The following ELAVL2 variants were observed in gnomAD, a reference collection of about 807,000 sequenced individuals.
The protein encoded by ELAVL2 is ELAV-like protein 2.
A neutral mutation model predicts 34.6 loss-of-function variants in ELAVL2; 4 were observed. The observed-to-expected ratio is 0.12, with a 90% CI of 0.06 to 0.26. ELAVL2 has a LOEUF of 0.26. Ranked by LOEUF, ELAVL2 falls within the 10% of genes least tolerant of loss-of-function variation. ELAVL2 has a pLI of 1.00. For synonymous variants in ELAVL2, 193 were observed against 154.8 expected (o/e 1.25, Z -1.83); for missense variants, 432 against 442.8 (o/e 0.98, Z 0.22).
intron 1 of ELAVL2, among the ~76,000 whole-genome samples, chr9:23,811,282 T>A (rs2062951765): frequency 6.7e-6 from 1 of 150,002 alleles, no homozygotes. Context: ...GCCTCTCCAC[T>A]AAATCAAAAA....
At chr9:23,794,403 T>TA (rs1213867053) in intron 1 of ELAVL2, among the ~76,000 whole-genome samples, 31 of 152,286 alleles carry the variant, frequency 2.0e-4, no homozygotes, top group African/African-American at 7.0e-4. Context: ...TAAACACACG[T>TA]ACAGCAGGCC....
At position 23,700,883 on chromosome 9, in the gene ELAVL2, A is replaced by G. The variant is rs1463852420; in HGVS notation, c.713+496T>C. Among the ~76,000 whole-genome samples the G allele has an allele frequency of 4.9e-5, 4 of 82,214 alleles. No homozygotes were observed. In the South Asian group the frequency reaches 1.8e-3, roughly 38 times the overall value. 53.9% of individuals were successfully genotyped at this position (82,214 alleles called of 152,430 possible). On this transcript the variant is annotated intron_variant, in intron 5 of 6. Transcript: ENST00000397312. Reference sequence around the variant, plus strand: ...CACATGAGAATAAAATCCTTTAAGAAAAAAAAAAAAGGAAATCTGAAGCCC... The same window carrying G: ...CACATGAGAATAAAATCCTTTAAGAGAAAAAAAAAAGGAAATCTGAAGCCC...
chr9:23,783,701 G>A (rs1396041265), intron 1 of ELAVL2, among the ~76,000 whole-genome samples: 1 of 152,098 alleles, frequency 6.6e-6, no homozygotes, highest in Non-Finnish European at 1.5e-5. Context: ...CCCACTTACT[G>A]TCTAAGCAAA....
At chr9:23,711,803 T>C (rs1357832060) in intron 3 of ELAVL2, among the ~76,000 whole-genome samples, 1 of 152,182 alleles carries the variant, frequency 6.6e-6, no homozygotes, top group Admixed American at 6.5e-5. Flanking sequence ...TCATCCTACT[T>C]TGTACATCCT....
rs181085846 is a variant in ELAVL2 at position 23,701,495 on chromosome 9, A to G, written c.597T>C (p.Thr199=). The part of the protein sequence containing the change: ...QKPPGATEPI[T]VKFANNPSQK... Reference sequence around the variant, plus strand: ...GGCTTGGGTTATTAGCAAACTTTACAGTGATTGGCTCCGTGGCACCGGGAG... The same window carrying G: ...GGCTTGGGTTATTAGCAAACTTTACGGTGATTGGCTCCGTGGCACCGGGAG... Residue 199 remains threonine (T), a synonymous_variant, in exon 5 of 7, where the codon ACT becomes ACC. Coordinates refer to ENST00000397312, the MANE Select transcript of ELAVL2 (RefSeq NM_004432.5). 190 of 1,614,100 alleles carry G rather than the reference A, an allele frequency of 1.2e-4. No homozygotes were observed. Among genetic ancestry groups the G allele is most frequent in the Admixed American group, 2.3e-4 (14 of 60,024 alleles).
At chr9:23,846,386 A>G in the ELAVL2 span, among the ~76,000 whole-genome samples, 13 of 151,988 alleles carry the variant, frequency 8.6e-5, no homozygotes, top group East Asian at 3.8e-4. Context: ...TTTGCTACCT[A>G]TAAAAATCAT....
chr9:23,770,433 G>T (rs1391009247), intron 1 of ELAVL2, among the ~76,000 whole-genome samples: 1 of 152,090 alleles, frequency 6.6e-6, no homozygotes, highest in African/African-American at 2.4e-5. Flanking sequence ...CATGACAAGG[G>T]GGAATTAAGA....
chr9:23,798,440 G>A (rs146695366), intron 1 of ELAVL2, among the ~76,000 whole-genome samples: 2,039 of 152,140 alleles, frequency 0.013, 162 homozygotes, highest in Admixed American at 0.12. Flanking sequence ...ATAAAATGGC[G>A]GGGGTGGGGA....
the ELAVL2 span, among the ~76,000 whole-genome samples, chr9:23,840,962 C>G: frequency 0.22 from 33,555 of 152,046 alleles, 4,106 homozygotes; most frequent in Non-Finnish European, 0.26. Flanking sequence ...ACTGACATGA[C>G]CACCCCACAA....
chr9:23,796,547 C>T lies in ELAVL2; in HGVS notation c.-16+29259G>A, dbSNP rs550385312. On this transcript the variant is annotated intron_variant, in intron 1 of 6. Transcript: ENST00000397312. The stretch of plus-strand genomic sequence containing the variant: ...CTCTAACGGTAAACCCACAAAATTG[C>T]CAGATTAAAATTCTGCTGCTTAGTC... 3.9e-5 allele frequency among the ~76,000 whole-genome samples: 6 copies of T among 152,320 alleles called. No homozygotes were observed. The East Asian group carries it at 7.7e-4, about 20-fold the overall frequency.
At chr9:23,724,643 A>C (rs2044614164) in intron 3 of ELAVL2, among the ~76,000 whole-genome samples, 1 of 152,220 alleles carries the variant, frequency 6.6e-6, no homozygotes, top group Admixed American at 6.5e-5. Context: ...GACTATGTAA[A>C]TGGGACTCAA....
intron 2 of ELAVL2, among the ~76,000 whole-genome samples, chr9:23,741,017 G>A (rs1274560772): frequency 6.6e-6 from 1 of 152,140 alleles, no homozygotes; most frequent in Non-Finnish European, 1.5e-5. Context: ...GCCCAACACA[G>A]TAAACAAGGG....
intron 2 of ELAVL2, among the ~76,000 whole-genome samples, chr9:23,743,516 G>A (rs1309117702): frequency 6.6e-6 from 1 of 152,122 alleles, no homozygotes; most frequent in Non-Finnish European, 1.5e-5. Flanking sequence ...TTATCCTGCC[G>A]AATGAGCAGA....
chr9:23,742,584 G>A (rs1041580698), intron 2 of ELAVL2, among the ~76,000 whole-genome samples: 2 of 152,172 alleles, frequency 1.3e-5, no homozygotes, highest in African/African-American at 4.8e-5. Context: ...TGATCATAAA[G>A]TATCTGCTAT....
At position 23,690,807 on chromosome 9, in the gene ELAVL2, A is replaced by G. The variant is rs1449981471; in HGVS notation, c.*1750T>C. The G allele has an allele frequency of 2.0e-5, 3 of 152,618 alleles. No individual in the cohort carries two copies. Among genetic ancestry groups the G allele is most frequent in the African/African-American group, 4.8e-5 (2 of 41,462 alleles). 9.5% of individuals were successfully genotyped at this position (152,618 alleles called of 1,614,324 possible). A position where few individuals can be genotyped will look rare whatever the true frequency, so the allele number is the denominator to read the frequency against. On this transcript the variant is annotated 3_prime_UTR_variant, in exon 7 of 7. Coordinates refer to ENST00000397312, the MANE Select transcript of ELAVL2 (RefSeq NM_004432.5). ...TCCTGATGAAGGCATTTTTGCCTTCAGCTTTTTTGAAAATTTATTATAAGC... is the reference window on the plus strand; with the variant it reads ...TCCTGATGAAGGCATTTTTGCCTTCGGCTTTTTTGAAAATTTATTATAAGC...
rs140408176 is a variant in ELAVL2, at chr9:23,748,364, T to C, written c.229+13642A>G. On this transcript the variant is annotated intron_variant, in intron 2 of 6. Transcript: ENST00000397312. ...TCTGGGGATGTTACACACTGTGTCC[T>C]GTGTCCCAAGACCCCACACGGATGT... Among the ~76,000 whole-genome samples, 98 of 152,274 alleles carry C rather than the reference T, an allele frequency of 6.4e-4. 1 individual carries two copies. The highest frequency in any genetic ancestry group is 1.2e-3 in the Non-Finnish European group (84 of 68,010).
At chr9:23,752,943 G>C (rs1353793041) in intron 2 of ELAVL2, among the ~76,000 whole-genome samples, 1 of 152,056 alleles carries the variant, frequency 6.6e-6, no homozygotes. Context: ...CTGCGAATCT[G>C]TTTCTTCACA....
rs370029532 is a variant in ELAVL2 at position 23,727,793 on chromosome 9, T to C, written c.333+3229A>G. Among the ~76,000 whole-genome samples, 20 of 152,114 alleles carry C rather than the reference T, an allele frequency of 1.3e-4. No homozygotes were observed. The South Asian group carries it at 3.9e-3, about 30-fold the overall frequency. Reference sequence around the variant, plus strand: ...TCACCATGGAAATACTGAACATCTGTCATTTATTCAACACACCAACTACTG... The same window carrying C: ...TCACCATGGAAATACTGAACATCTGCCATTTATTCAACACACCAACTACTG... On this transcript the variant is annotated intron_variant, in intron 3 of 6. Coordinates refer to ENST00000397312, the MANE Select transcript of ELAVL2 (RefSeq NM_004432.5).
chr9:23,797,621 T>C (rs754812926), intron 1 of ELAVL2, among the ~76,000 whole-genome samples: 12 of 152,220 alleles, frequency 7.9e-5, no homozygotes, highest in Non-Finnish European at 1.3e-4. Flanking sequence ...CATAATGATA[T>C]ACTTGAGTGA....
Sources: gnomAD v4.1 joint callset for allele counts (sites outside exome capture counted in the v4.1 genomes callset) on GRCh38, gnomAD v4.1.1 for gene constraint, MANE v1.5 for transcripts, NCBI Gene and HGNC (gene_info 2026-07-23, HGNC 2026-07-21) for gene names.